SPHKAP: variants seen among roughly 807,000 people sequenced by gnomAD.
The protein encoded by SPHKAP is SPHK1 interactor, AKAP domain containing, also known as A-kinase anchor protein SPHKAP.
In SPHKAP, 67 loss-of-function variants were observed where a neutral mutation model predicts 137.5. The ratio of observed to expected loss-of-function variants is 0.49; its 90% confidence interval spans 0.40 to 0.60. The LOEUF (loss-of-function observed/expected upper bound fraction) is 0.60, where lower values mean the gene tolerates loss of function less well. Among genes scored for constraint, SPHKAP ranks in the 20% least tolerant of loss-of-function variants. The pLI, the probability that SPHKAP is intolerant of heterozygous loss-of-function variation, is 0.00. For missense variants in SPHKAP, 2,097 were observed against 2,069.3 expected, an observed-to-expected ratio of 1.01 and a Z score of -0.26; for synonymous variants, 813 against 785.3, an observed-to-expected ratio of 1.04 and a Z score of -0.59.
At chr2:228,049,549 A>C (rs1184839334) in intron 3 of SPHKAP, among the ~76,000 whole-genome samples, 2 of 151,256 alleles carry the variant, frequency 1.3e-5, no homozygotes, top group East Asian at 3.9e-4. Flanking sequence ...GTGCATGTGC[A>C]CCTGGGCTTA....
At chr2:227,995,426 C>A in intron 8 of SPHKAP, 83 bp downstream of exon 8, 4 of 1,521,114 alleles carry the variant, frequency 2.6e-6, no homozygotes, top group Non-Finnish European at 3.6e-6. Flanking sequence ...TATTAGGGAC[C>A]CTTTGCAGAG....
intron 3 of SPHKAP, among the ~76,000 whole-genome samples, chr2:228,049,086 GGCTCCATATCCTT>G (rs1696165318): frequency 1.3e-5 from 2 of 152,104 alleles, no homozygotes; most frequent in Non-Finnish European, 2.9e-5. Flanking sequence ...ACCACTAGGA[GGCTCCATATCCTT>G]GCCCATAAAA....
At chr2:228,107,569 AT>A (rs1340336861) in intron 3 of SPHKAP, among the ~76,000 whole-genome samples, 1 of 152,112 alleles carries the variant, frequency 6.6e-6, no homozygotes, top group African/African-American at 2.4e-5. Flanking sequence ...TCACTAGACA[AT>A]TTTTAGTACC....
At chr2:228,009,764 T>C (rs1694296046) in intron 7 of SPHKAP, among the ~76,000 whole-genome samples, 1 of 152,190 alleles carries the variant, frequency 6.6e-6, no homozygotes, top group Non-Finnish European at 1.5e-5. Context: ...CAAGTGTAGA[T>C]TAGCCTTTAT....
intron 11 of SPHKAP, among the ~76,000 whole-genome samples, chr2:227,988,869 G>T (rs964477647): frequency 6.6e-6 from 1 of 152,122 alleles, no homozygotes; most frequent in Non-Finnish European, 1.5e-5. Context: ...ATAGTGAACC[G>T]CTCAACACCT....
intron 2 of SPHKAP, among the ~76,000 whole-genome samples, chr2:228,109,586 T>G (rs2106348603): frequency 6.6e-6 from 1 of 152,338 alleles, no homozygotes; most frequent in Non-Finnish European, 1.5e-5. Flanking sequence ...GGTCTTGGAT[T>G]CTTAAAGCAA....
intron 3 of SPHKAP, chr2:228,027,984 G>GA: frequency 1.2e-6 from 1 of 838,246 alleles, no homozygotes; most frequent in Non-Finnish European, 1.4e-6. Context: ...AAAGAAAAAA[G>GA]AAAAAAAGAA....
chr2:228,067,658 C>T (rs1696870195), intron 3 of SPHKAP, among the ~76,000 whole-genome samples: 1 of 152,100 alleles, frequency 6.6e-6, no homozygotes, highest in African/African-American at 2.4e-5. Flanking sequence ...TTATATTGAG[C>T]AGGTACAGGT....
At chr2:228,151,428 T>C (rs1475276328) in intron 1 of SPHKAP, among the ~76,000 whole-genome samples, 1 of 152,128 alleles carries the variant, frequency 6.6e-6, no homozygotes. Context: ...GCATGATTTA[T>C]AGTCCTTTGG....
In SPHKAP at chr2:228,144,331, A is replaced by C. The variant is rs138510602; in HGVS notation, c.33-12246T>G. 1.2e-3 allele frequency among the ~76,000 whole-genome samples: 179 copies of C among 152,278 alleles called. 1 individual carries two copies. Among genetic ancestry groups the C allele is most frequent in the African/African-American group, 3.9e-3 (161 of 41,546 alleles). On this transcript the variant is annotated intron_variant, in intron 1 of 11. Coordinates refer to ENST00000392056, the MANE Select transcript of SPHKAP (RefSeq NM_001142644.2). ...CCCACCCCATGCTCTATAGATTATA[A>C]ATTTCATGAATGCACTTATCTTTTT...
intron 1 of SPHKAP, among the ~76,000 whole-genome samples, chr2:228,132,817 G>T (rs1461372835): frequency 1.4e-5 from 2 of 140,330 alleles, no homozygotes; most frequent in African/African-American, 2.6e-5. Flanking sequence ...GGCCAACACG[G>T]TGAAACCCTG....
At chr2:227,985,503 G>C (rs149179273) in intron 11 of SPHKAP, among the ~76,000 whole-genome samples, 22 of 152,222 alleles carry the variant, frequency 1.4e-4, no homozygotes, top group African/African-American at 5.1e-4. Flanking sequence ...TATTGCCTGG[G>C]TATTTTCACA....
chr2:228,153,516 A>C (rs766687607), intron 1 of SPHKAP, among the ~76,000 whole-genome samples: 1 of 152,140 alleles, frequency 6.6e-6, no homozygotes, highest in African/African-American at 2.4e-5. Flanking sequence ...ATTTTCTTTC[A>C]GCATGTTGAA....
rs753599360 is a variant in SPHKAP, at chr2:228,018,620, CTCCTTCTGATGGTCTCCT to C, written c.2216_2233del (p.Lys739_Arg744del). ...TGGCTGGCAGCTTGGTTCTGTCTCC[CTCCTTCTGATGGTCTCCT>C]TAGAAAGGACAGCAGGACATTCACC... On this transcript the variant is annotated inframe_deletion, in exon 7 of 12. Transcript: ENST00000392056. 2.4e-5 allele frequency: 38 copies of C among 1,614,156 alleles called. No individual in the cohort carries two copies. The South Asian group carries it at 4.0e-4, about 17-fold the overall frequency.
intron 3 of SPHKAP, among the ~76,000 whole-genome samples, chr2:228,055,975 T>G (rs1696426045): frequency 6.6e-6 from 1 of 152,154 alleles, no homozygotes; most frequent in Admixed American, 6.5e-5. Context: ...TCAGGATGGA[T>G]TTTTGTGTTG....
chr2:228,137,675 C>T (rs1431128647), intron 1 of SPHKAP, among the ~76,000 whole-genome samples: 1 of 151,954 alleles, frequency 6.6e-6, no homozygotes, highest in Non-Finnish European at 1.5e-5. Flanking sequence ...TTAATCCCAA[C>T]ACTAGAAAAA....
chr2:228,055,320 G>T (rs1696399719), intron 3 of SPHKAP, among the ~76,000 whole-genome samples: 1 of 152,094 alleles, frequency 6.6e-6, no homozygotes, highest in African/African-American at 2.4e-5. Context: ...AAGAGTAACA[G>T]ATAATGAGCA....
chr2:228,156,389 C>A (rs1159923359), intron 1 of SPHKAP, among the ~76,000 whole-genome samples: 3 of 152,164 alleles, frequency 2.0e-5, no homozygotes, highest in African/African-American at 7.2e-5. Flanking sequence ...TTCAAATTTA[C>A]TTCTGAGCTC....
intron 7 of SPHKAP, among the ~76,000 whole-genome samples, chr2:228,013,558 T>C (rs1694465506): frequency 6.6e-6 from 1 of 152,184 alleles, no homozygotes; most frequent in African/African-American, 2.4e-5. Flanking sequence ...AAGATACTTC[T>C]TTCGGAAAAA....
Sources: allele counts gnomAD v4.1 joint callset (sites outside exome capture counted in the v4.1 genomes callset), GRCh38; gene constraint gnomAD v4.1.1; transcripts MANE v1.5; gene names NCBI Gene and HGNC (gene_info 2026-07-23, HGNC 2026-07-21).